Variants in PARD3 observed in about 807,000 individuals in gnomAD.
PARD3 encodes the protein par-3 family cell polarity regulator.
PARD3 carries 75 observed loss-of-function variants against 155.4 expected under a neutral mutation model. That is an observed-to-expected ratio of 0.48 (90% CI 0.40 to 0.58). The LOEUF (loss-of-function observed/expected upper bound fraction) is 0.58. PARD3 is among the 20% of genes least tolerant of loss of function. The pLI is 0.00. For synonymous variants in PARD3, 576 were observed against 610.5 expected, an observed-to-expected ratio of 0.94 and a Z score of 0.83; for missense variants, 1,642 against 1,721.7, an observed-to-expected ratio of 0.95 and a Z score of 0.82.
intron 20 of PARD3, among the ~76,000 whole-genome samples, chr10:34,293,949 G>A (rs1956788453): frequency 6.6e-6 from 1 of 152,204 alleles, no homozygotes; most frequent in Non-Finnish European, 1.5e-5. Flanking sequence ...AATTTAGTAA[G>A]TGGTACTGCC....
intron 1 of PARD3, among the ~76,000 whole-genome samples, chr10:34,805,696 G>C (rs1370607500): frequency 6.6e-6 from 1 of 151,962 alleles, no homozygotes; most frequent in African/African-American, 2.4e-5. Context: ...AAATTCTGGG[G>C]CCGGGCGCGG....
intron 22 of PARD3, among the ~76,000 whole-genome samples, chr10:34,261,463 T>TG (rs1237123496): frequency 6.6e-6 from 1 of 151,954 alleles, no homozygotes; most frequent in African/African-American, 2.4e-5. Context: ...TCAAAGTGGG[T>TG]GGATCACTTG....
intron 7 of PARD3, among the ~76,000 whole-genome samples, chr10:34,385,699 C>T (rs890799289): frequency 2.0e-5 from 3 of 152,146 alleles, no homozygotes; most frequent in Non-Finnish European, 4.4e-5. Flanking sequence ...TAGATAGCTG[C>T]TGCTTCTATA....
intron 22 of PARD3, among the ~76,000 whole-genome samples, chr10:34,247,673 C>A (rs1282480767): frequency 6.6e-6 from 1 of 152,034 alleles, no homozygotes; most frequent in Non-Finnish European, 1.5e-5. Context: ...TTGATGGTAA[C>A]AAGGAGGCTT....
At position 34,725,152 on chromosome 10, in the gene PARD3, A is replaced by T. The variant is rs375755662; in HGVS notation, c.121-28733T>A. ...GTGTGTGTGTGTGTGTGTGTGTGTG[A>T]CAGAGAGAGAGAGAGAGAGAGACGG... is the stretch of plus-strand genomic sequence containing the variant. On this transcript the variant is annotated intron_variant, in intron 1 of 24. Transcript: ENST00000374788. 2.3e-3 allele frequency among the ~76,000 whole-genome samples: 192 copies of T among 82,134 alleles called. 1 individual carries two copies. Among genetic ancestry groups the T allele is most frequent in the African/African-American group, 7.0e-3 (164 of 23,408 alleles). The allele number at this position is 82,134 out of a possible 152,430, so 53.9% of individuals were successfully genotyped here. A position where few individuals can be genotyped will look rare whatever the true frequency, so the allele number is the denominator to read the frequency against.
Position 34,750,492 on chromosome 10 carries a change from CA to C in PARD3, c.121-54074del, listed in dbSNP as rs1835875200. Among the ~76,000 whole-genome samples the C allele has an allele frequency of 6.0e-5, 9 of 151,102 alleles. No homozygotes were observed. The South Asian group carries it at 1.1e-3, about 18-fold the overall frequency. ...ACACACACACACACACACACACACACACACACACACACACACACCCTAAGAC... is the reference window on the plus strand; with the variant it reads ...ACACACACACACACACACACACACACCACACACACACACACACCCTAAGAC... On this transcript the variant is annotated intron_variant, in intron 1 of 24. Transcript: ENST00000374788.
At chr10:34,257,474 T>C (rs965709856) in intron 22 of PARD3, among the ~76,000 whole-genome samples, 1 of 152,246 alleles carries the variant, frequency 6.6e-6, no homozygotes, top group African/African-American at 2.4e-5. Context: ...CTTGGAGCTT[T>C]TGTTAGAAGG....
intron 2 of PARD3, among the ~76,000 whole-genome samples, chr10:34,623,023 A>G (rs1170488128): frequency 6.6e-6 from 1 of 152,078 alleles, no homozygotes; most frequent in African/African-American, 2.4e-5. Context: ...TAAGAGCTGT[A>G]AGAGTGTACA....
At chr10:34,807,439 A>G (rs1843548156) in intron 1 of PARD3, among the ~76,000 whole-genome samples, 1 of 152,206 alleles carries the variant, frequency 6.6e-6, no homozygotes. Flanking sequence ...ACTTGAATAG[A>G]ACTGTGCAAC....
At chr10:34,391,156 C>T (rs941373574) in intron 7 of PARD3, among the ~76,000 whole-genome samples, 3 of 152,072 alleles carry the variant, frequency 2.0e-5, no homozygotes, top group African/African-American at 7.2e-5. Context: ...CCAAACATCT[C>T]AAACCCACCC....
Position 34,639,855 on chromosome 10 carries a change from GAC to G in PARD3, c.222+56461_222+56462del, listed in dbSNP as rs139829298. On this transcript the variant is annotated intron_variant, in intron 2 of 24. Coordinates refer to ENST00000374788, the MANE Select transcript of PARD3 (RefSeq NM_001184785.2). Reference sequence around the variant, plus strand: ...CACTCCAGCCTCGGTAACAGAGTAAGACACACACACACACACACACCACACAC... The same window carrying G: ...CACTCCAGCCTCGGTAACAGAGTAAGACACACACACACACACACCACACAC... 1.8e-3 allele frequency among the ~76,000 whole-genome samples: 273 copies of G among 150,176 alleles called. 3 individuals are homozygous for G. In the East Asian group the frequency reaches 0.045, roughly 25 times the overall value.
intron 1 of PARD3, among the ~76,000 whole-genome samples, chr10:34,765,418 C>CT (rs1455097056): frequency 1.3e-5 from 2 of 152,054 alleles, no homozygotes; most frequent in Non-Finnish European, 2.9e-5. Context: ...TGGCTCACAC[C>CT]TGTAATCCCA....
intron 3 of PARD3, among the ~76,000 whole-genome samples, chr10:34,492,088 C>T (rs1252919087): frequency 1.3e-5 from 2 of 152,180 alleles, no homozygotes; most frequent in Admixed American, 1.3e-4. Flanking sequence ...ATTAGATTCC[C>T]TTCCTTTGCT....
intron 3 of PARD3, among the ~76,000 whole-genome samples, chr10:34,484,826 C>T (rs2079334945): frequency 6.6e-6 from 1 of 152,184 alleles, no homozygotes; most frequent in Non-Finnish European, 1.5e-5. Context: ...GAACCTTTTG[C>T]ATTCTCCTGC....
At chr10:34,507,918 C>A (rs2081183107) in intron 3 of PARD3, among the ~76,000 whole-genome samples, 1 of 152,228 alleles carries the variant, frequency 6.6e-6, no homozygotes, top group Non-Finnish European at 1.5e-5. Context: ...AAAGGAAATA[C>A]AATAGGAATA....
chr10:34,320,990 A>G (rs1247114054), intron 19 of PARD3, among the ~76,000 whole-genome samples: 6 of 152,244 alleles, frequency 3.9e-5, no homozygotes, highest in African/African-American at 1.2e-4. Flanking sequence ...TGAATTATAT[A>G]TACTTCAAAT....
chr10:34,173,684 T>C (rs1217621214), intron 22 of PARD3, among the ~76,000 whole-genome samples: 2 of 152,164 alleles, frequency 1.3e-5, no homozygotes, highest in East Asian at 3.9e-4. Flanking sequence ...CCAGCCATCA[T>C]TCTCACTTTT....
At chr10:34,417,716 C>T (rs1006860897) in intron 5 of PARD3, among the ~76,000 whole-genome samples, 2 of 152,144 alleles carry the variant, frequency 1.3e-5, no homozygotes, top group African/African-American at 4.8e-5. Context: ...TGACTTTTCA[C>T]CACAAAAAGG....
chr10:34,485,386 A>C (rs1172101733), intron 3 of PARD3, among the ~76,000 whole-genome samples: 1 of 152,154 alleles, frequency 6.6e-6, no homozygotes, highest in Non-Finnish European at 1.5e-5. Flanking sequence ...TATGCCCCCA[A>C]CACAGCCTCA....
Sources: allele counts gnomAD v4.1 joint callset (sites outside exome capture counted in the v4.1 genomes callset), GRCh38; gene constraint gnomAD v4.1.1; transcripts MANE v1.5; gene names NCBI Gene and HGNC (gene_info 2026-07-23, HGNC 2026-07-21).